ADARB2: variants seen among roughly 807,000 people sequenced by gnomAD.
The protein encoded by ADARB2 is adenosine deaminase RNA specific B2 (inactive).
In ADARB2, 25 loss-of-function variants were observed where a neutral mutation model predicts 62.2. That is an observed-to-expected ratio of 0.40 (90% CI 0.29 to 0.56). The LOEUF (loss-of-function observed/expected upper bound fraction) is 0.56. Ranked by LOEUF, ADARB2 falls within the 20% of genes least tolerant of loss-of-function variation. The probability of loss-of-function intolerance (pLI) is 0.43; values close to 1 mark genes in which losing one functional copy is unlikely to be tolerated. For missense variants in ADARB2, 1,071 were observed against 1,077.4 expected (o/e 0.99, Z 0.08); for synonymous variants, 572 against 500.8 (o/e 1.14, Z -1.90).
intron 1 of ADARB2, among the ~76,000 whole-genome samples, chr10:1,605,442 A>G (rs146598195): frequency 1.3e-5 from 2 of 152,270 alleles, no homozygotes; most frequent in East Asian, 3.9e-4. Context: ...CTGATTCTGG[A>G]TTGAATGGGT....
At chr10:1,456,445 C>A (rs1831096874) in intron 1 of ADARB2, among the ~76,000 whole-genome samples, 1 of 152,172 alleles carries the variant, frequency 6.6e-6, no homozygotes, top group African/African-American at 2.4e-5. Flanking sequence ...TCCATACAAG[C>A]CAGTTCTTGG....
At chr10:1,336,558 T>G (rs558638086) in intron 3 of ADARB2, among the ~76,000 whole-genome samples, 28 of 152,248 alleles carry the variant, frequency 1.8e-4, no homozygotes, top group Non-Finnish European at 3.1e-4. Context: ...GGGAGGAAAA[T>G]GAAGGGTTTA....
intron 1 of ADARB2, among the ~76,000 whole-genome samples, chr10:1,447,949 T>C (rs1423000953): frequency 6.6e-6 from 1 of 152,212 alleles, no homozygotes; most frequent in Non-Finnish European, 1.5e-5. Context: ...ATGGTATCTG[T>C]GTAGCACATT....
chr10:1,531,827 A>C (rs181009778), intron 1 of ADARB2, among the ~76,000 whole-genome samples: 1 of 151,620 alleles, frequency 6.6e-6, no homozygotes, highest in African/African-American at 2.4e-5. Context: ...ACAGAGCGAG[A>C]CTTCATCTCA....
intron 4 of ADARB2, among the ~76,000 whole-genome samples, chr10:1,267,479 C>G (rs1215659581): frequency 2.0e-5 from 3 of 152,202 alleles, no homozygotes; most frequent in Non-Finnish European, 4.4e-5. Context: ...GACGCCGGGT[C>G]TGCAGAGCAC....
At chr10:1,216,867 C>G in intron 7 of ADARB2, 84 bp downstream of exon 7, 2 of 1,529,912 alleles carry the variant, frequency 1.3e-6, no homozygotes, top group Non-Finnish European at 1.8e-6. Flanking sequence ...CTGACCTCAC[C>G]AGAAGTGGGA....
chr10:1,373,250 T>G (rs2131856211), intron 2 of ADARB2, among the ~76,000 whole-genome samples: 1 of 152,194 alleles, frequency 6.6e-6, no homozygotes, highest in African/African-American at 2.4e-5. Flanking sequence ...TCTCTGTCTC[T>G]GTGTCTCTCT....
intron 1 of ADARB2, among the ~76,000 whole-genome samples, chr10:1,647,010 C>A (rs571061869): frequency 2.6e-5 from 4 of 152,212 alleles, no homozygotes; most frequent in Non-Finnish European, 4.4e-5. Flanking sequence ...AGGATAAAAT[C>A]CAAAGGAGAA....
intron 8 of ADARB2, among the ~76,000 whole-genome samples, chr10:1,187,120 C>T (rs960326296): frequency 1.3e-5 from 2 of 152,244 alleles, no homozygotes; most frequent in East Asian, 1.9e-4. Flanking sequence ...GACACCCAAG[C>T]GAATCCCGTT....
intron 1 of ADARB2, among the ~76,000 whole-genome samples, chr10:1,434,976 C>T (rs1830818092): frequency 6.6e-6 from 1 of 152,236 alleles, no homozygotes; most frequent in East Asian, 1.9e-4. Context: ...GAAATAGCAG[C>T]CCAACCCTCA....
intron 1 of ADARB2, among the ~76,000 whole-genome samples, chr10:1,435,209 G>C (rs1021783571): frequency 1.3e-5 from 2 of 152,202 alleles, no homozygotes; most frequent in African/African-American, 2.4e-5. Flanking sequence ...CTGGCTGGGG[G>C]GCTGGGAGCA....
At chr10:1,241,006 C>T (rs373482012) in intron 5 of ADARB2, among the ~76,000 whole-genome samples, 14 of 152,064 alleles carry the variant, frequency 9.2e-5, no homozygotes, top group Non-Finnish European at 1.5e-4. Context: ...CACAGTGGCT[C>T]ATGCCTGTAA....
At chr10:1,413,314 T>A (rs897964905) in intron 1 of ADARB2, among the ~76,000 whole-genome samples, 1 of 152,042 alleles carries the variant, frequency 6.6e-6, no homozygotes, top group Non-Finnish European at 1.5e-5. Flanking sequence ...GACACAGCAC[T>A]GGGGAAGGGG....
chr10:1,679,757 TGAG>T (rs912951306), intron 1 of ADARB2, among the ~76,000 whole-genome samples: 11 of 152,122 alleles, frequency 7.2e-5, no homozygotes, highest in East Asian at 3.9e-4. Context: ...TGTCGTTGAA[TGAG>T]GAGATGTTCC....
intron 1 of ADARB2, among the ~76,000 whole-genome samples, chr10:1,407,292 G>C (rs925904000): frequency 6.6e-6 from 1 of 152,162 alleles, no homozygotes; most frequent in Non-Finnish European, 1.5e-5. Flanking sequence ...TGCAGCTCCT[G>C]TGCTGTCCTC....
intron 3 of ADARB2, among the ~76,000 whole-genome samples, chr10:1,299,678 G>A (rs949936875): frequency 8.5e-5 from 13 of 152,186 alleles, no homozygotes; most frequent in Admixed American, 7.8e-4. Flanking sequence ...TGTAGGACGT[G>A]GAGCTAAGGA....
chr10:1,570,495 G>C (rs1832920938), intron 1 of ADARB2, among the ~76,000 whole-genome samples: 1 of 152,190 alleles, frequency 6.6e-6, no homozygotes, highest in Non-Finnish European at 1.5e-5. Context: ...CCTCCCGAGT[G>C]TGTCTCTAAG....
At chr10:1,629,301 C>A (rs1833813765) in intron 1 of ADARB2, among the ~76,000 whole-genome samples, 1 of 152,102 alleles carries the variant, frequency 6.6e-6, no homozygotes, top group African/African-American at 2.4e-5. Context: ...TGGTAAAAAT[C>A]AGTTTCTGAG....
chr10:1,553,510 G>A (rs1027200718), intron 1 of ADARB2, among the ~76,000 whole-genome samples: 5 of 152,154 alleles, frequency 3.3e-5, no homozygotes, highest in African/African-American at 7.2e-5. Flanking sequence ...GATTCTAGCC[G>A]GTCTCAAAGG....
Sources: gnomAD v4.1 joint callset for allele counts (sites outside exome capture counted in the v4.1 genomes callset) on GRCh38, gnomAD v4.1.1 for gene constraint, MANE v1.5 for transcripts, NCBI Gene and HGNC (gene_info 2026-07-23, HGNC 2026-07-21) for gene names.